The following HTR4 variants were observed in gnomAD, a reference collection of about 807,000 sequenced individuals.
HTR4 encodes 5-hydroxytryptamine receptor 4.
In HTR4, 16 loss-of-function variants were observed where a neutral mutation model predicts 36.8. The observed-to-expected ratio is 0.43, with a 90% confidence interval of 0.29 to 0.66. HTR4 has a LOEUF of 0.66. Ranked by LOEUF, HTR4 falls within the 30% of genes least tolerant of loss-of-function variation. The probability of loss-of-function intolerance (pLI) is 0.13; values close to 1 mark genes in which losing one functional copy is unlikely to be tolerated. For synonymous variants in HTR4, 189 were observed against 185.1 expected (o/e 1.02, Z -0.17); for missense variants, 438 against 490.9 (o/e 0.89, Z 1.02).
At position 148,552,594 on chromosome 5, in the gene HTR4, A is replaced by G. The variant is rs77253627; in HGVS notation, c.27-2332T>C. On this transcript the variant is annotated intron_variant, in intron 2 of 6. Transcript: ENST00000377888. ...TCCTGGAATGATTCTTCAGTGACAG[A>G]CTTCTTGTCATTCAGGCCTCAGATT... 6.8e-3 allele frequency among the ~76,000 whole-genome samples: 1,042 copies of G among 152,280 alleles called. 10 individuals are homozygous for G. The highest frequency in any genetic ancestry group is 0.023 in the African/African-American group (960 of 41,554).
At chr5:148,485,284 G>T (rs1255781379) in intron 6 of HTR4, among the ~76,000 whole-genome samples, 1 of 152,186 alleles carries the variant, frequency 6.6e-6, no homozygotes, top group Non-Finnish European at 1.5e-5. Flanking sequence ...GGGAGCATAA[G>T]TAATTTGCCC....
intron 2 of HTR4, among the ~76,000 whole-genome samples, chr5:148,559,610 G>A (rs1581476371): frequency 6.6e-6 from 1 of 152,044 alleles, no homozygotes; most frequent in Non-Finnish European, 1.5e-5. Flanking sequence ...ATGGACAATG[G>A]CCAGACCATG....
At chr5:148,562,374 C>T (rs1235321891) in intron 2 of HTR4, among the ~76,000 whole-genome samples, 1 of 152,124 alleles carries the variant, frequency 6.6e-6, no homozygotes, top group Non-Finnish European at 1.5e-5. Flanking sequence ...CTAAAAGGAG[C>T]CTATTTACTG....
chr5:148,633,310 A>G (rs1753393901), intron 2 of HTR4, among the ~76,000 whole-genome samples: 1 of 152,134 alleles, frequency 6.6e-6, no homozygotes, highest in African/African-American at 2.4e-5. Flanking sequence ...AAGACCTAGT[A>G]TGACTTTTCT....
intron 2 of HTR4, among the ~76,000 whole-genome samples, chr5:148,594,205 G>A (rs1761680822): frequency 6.6e-6 from 1 of 152,004 alleles, no homozygotes; most frequent in Non-Finnish European, 1.5e-5. Context: ...TATAATAATA[G>A]AATTCTCACA....
At chr5:148,549,567 G>A (rs1759578810) in intron 3 of HTR4, among the ~76,000 whole-genome samples, 1 of 152,156 alleles carries the variant, frequency 6.6e-6, no homozygotes, top group Admixed American at 6.5e-5. Context: ...GCACCCTGGG[G>A]AGTTAACGCC....
chr5:148,526,860 C>A (rs1483276111), intron 4 of HTR4, among the ~76,000 whole-genome samples: 1 of 151,898 alleles, frequency 6.6e-6, no homozygotes, highest in Non-Finnish European at 1.5e-5. Flanking sequence ...ATGATGGTTA[C>A]CACAGGCTGG....
At chr5:148,597,021 T>C (rs1017174391) in intron 2 of HTR4, among the ~76,000 whole-genome samples, 2 of 152,090 alleles carry the variant, frequency 1.3e-5, no homozygotes, top group African/African-American at 4.8e-5. Flanking sequence ...CTCACCTGAG[T>C]AGGACATCCT....
intron 2 of HTR4, among the ~76,000 whole-genome samples, chr5:148,568,983 G>A (rs7726693): frequency 0.24 from 35,736 of 151,822 alleles, 5,114 homozygotes; most frequent in Non-Finnish European, 0.32. Flanking sequence ...TAAAAAGAAT[G>A]AGAAGGGATC....
Position 148,523,310 on chromosome 5 carries a change from C to T in HTR4, c.390G>A (p.Arg130=), listed in dbSNP as rs761768921. 7 of 1,612,398 alleles carry T rather than the reference C, an allele frequency of 4.3e-6. No individual in the cohort carries two copies. The highest frequency in any genetic ancestry group is 2.5e-6 in the Non-Finnish European group (3 of 1,179,460). The change falls in exon 5 of 7, where the codon AGG becomes AGA. Residue 130 remains arginine (R), a synonymous_variant. Coordinates refer to ENST00000377888, the MANE Select transcript of HTR4 (RefSeq NM_000870.7). ...CGATGCGCAGAGGGGTCATCTTGTTCCTATAGACCAAAGGCTGGCAGCAGA... is the reference window on the plus strand; with the variant it reads ...CGATGCGCAGAGGGGTCATCTTGTTTCTATAGACCAAAGGCTGGCAGCAGA... ...YAICCQPLVY[R]NKMTPLRIAL...
intron 4 of HTR4, among the ~76,000 whole-genome samples, chr5:148,525,600 C>G (rs1242186681): frequency 1.3e-5 from 2 of 152,198 alleles, no homozygotes; most frequent in East Asian, 3.8e-4. Context: ...ATCTCAGCAG[C>G]AGCCCCCTGG....
At chr5:148,465,058 A>G (rs1025332128) in intron 5 of HTR4, among the ~76,000 whole-genome samples, 1 of 152,132 alleles carries the variant, frequency 6.6e-6, no homozygotes, top group Non-Finnish European at 1.5e-5. Context: ...AATTGTTGCC[A>G]GAGGTTGGGG....
At chr5:148,609,669 C>T (rs1055893221) in intron 2 of HTR4, among the ~76,000 whole-genome samples, 2 of 151,702 alleles carry the variant, frequency 1.3e-5, no homozygotes, top group East Asian at 1.9e-4. Context: ...GGGTTCATGC[C>T]ATTCTCCTGC....
At chr5:148,515,493 T>C (rs1013991131) in intron 5 of HTR4, among the ~76,000 whole-genome samples, 4 of 152,192 alleles carry the variant, frequency 2.6e-5, no homozygotes, top group Non-Finnish European at 5.9e-5. Context: ...AAAATTCCCA[T>C]AAAAGTCACA....
chr5:148,461,472 A>C (rs1755277014), intron 5 of HTR4, among the ~76,000 whole-genome samples: 1 of 152,052 alleles, frequency 6.6e-6, no homozygotes, highest in African/African-American at 2.4e-5. Flanking sequence ...CAGTTATATT[A>C]ATTTTAAACA....
intron 2 of HTR4, among the ~76,000 whole-genome samples, chr5:148,584,549 C>T (rs1761276410): frequency 6.6e-6 from 1 of 152,166 alleles, no homozygotes; most frequent in South Asian, 2.1e-4. Context: ...TGTAACAATT[C>T]AATGGCCAGG....
rs1300132015 is a variant in HTR4 at position 148,483,240 on chromosome 5, G to T, written c.1130C>A (p.Thr377Asn). Residue 377 changes from threonine to asparagine, a missense_variant, in exon 7 of 7, where the codon ACT becomes AAT. Physicochemically the swap from Thr to Asn is moderately conservative, Grantham distance 65. Transcript: ENST00000377888. ...QWESQCHPPA[T>N]SPLVAAQPSD... The stretch of plus-strand genomic sequence containing the variant: ...GGGCTGAGCAGCCACCAAAGGAGAA[G>T]TTGCTGGCGGGTGACACTGACTCTC... 1.2e-6 allele frequency: 2 copies of T among 1,614,074 alleles called. No individual in the cohort carries two copies. The highest frequency in any genetic ancestry group is 1.7e-6 in the Non-Finnish European group (2 of 1,179,984).
chr5:148,652,615 T>C (rs1159314511), intron 1 of HTR4, among the ~76,000 whole-genome samples: 2 of 152,166 alleles, frequency 1.3e-5, no homozygotes, highest in Non-Finnish European at 2.9e-5. Flanking sequence ...GAGACACTAC[T>C]GTCCTCTGGG....
rs149915742 is a variant in HTR4 at position 148,465,353 on chromosome 5, G to A, written c.1077-14081C>T. Among the ~76,000 whole-genome samples, 906 of 152,266 alleles carry A rather than the reference G, an allele frequency of 6.0e-3. 9 individuals are homozygous for A. The highest frequency in any genetic ancestry group is 0.02 in the African/African-American group (834 of 41,530). On this transcript the variant is annotated intron_variant, in intron 5 of 5. Coordinates refer to the HTR4 transcript ENST00000521530. ...GTAAGGAGGCATATAGGAGATCTCTGTACCTTCCCCTCAGTTATGCTGTGA... is the reference window on the plus strand; with the variant it reads ...GTAAGGAGGCATATAGGAGATCTCTATACCTTCCCCTCAGTTATGCTGTGA...
Sources: allele counts gnomAD v4.1 joint callset (sites outside exome capture counted in the v4.1 genomes callset), GRCh38; gene constraint gnomAD v4.1.1; transcripts MANE v1.5; gene names NCBI Gene and HGNC (gene_info 2026-07-23, HGNC 2026-07-21).